SPATA16: variants seen among roughly 807,000 people sequenced by gnomAD.
SPATA16 encodes the protein spermatogenesis associated 16.
SPATA16 carries 36 observed loss-of-function variants against 63.3 expected under a neutral mutation model. The ratio of observed to expected loss-of-function variants is 0.57; its 90% CI spans 0.44 to 0.75. The LOEUF is 0.75. Among genes scored for constraint, SPATA16 ranks in the 30% least tolerant of loss-of-function variants. The pLI is 0.00. For synonymous variants in SPATA16, 203 were observed against 216.7 expected, an observed-to-expected ratio of 0.94 and a Z score of 0.56; for missense variants, 646 against 679.3, an observed-to-expected ratio of 0.95 and a Z score of 0.54.
intron 2 of SPATA16, among the ~76,000 whole-genome samples, chr3:173,055,559 A>G (rs1003721359): frequency 6.6e-6 from 1 of 152,236 alleles, no homozygotes; most frequent in African/African-American, 2.4e-5. Flanking sequence ...TGACACAATT[A>G]TAGGAATGGA....
rs367912791 is a variant in SPATA16 at position 172,977,801 on chromosome 3, C to T, written c.849-749G>A. Among the ~76,000 whole-genome samples, 19 of 152,240 alleles carry T rather than the reference C, an allele frequency of 1.2e-4. 3 individuals are homozygous for T. Among genetic ancestry groups the T allele is most frequent in the Admixed American group, 3.3e-4 (5 of 15,292 alleles). The stretch of plus-strand genomic sequence containing the variant: ...GACTAGAAGTAATTCCAAATTGTCA[C>T]GTTAGCCAATTAAACATATAATAAT... On this transcript the variant is annotated intron_variant, in intron 4 of 10. Coordinates refer to ENST00000351008, the MANE Select transcript of SPATA16 (RefSeq NM_031955.6).
intron 4 of SPATA16, among the ~76,000 whole-genome samples, chr3:172,985,104 T>C (rs1357611375): frequency 6.6e-6 from 1 of 152,216 alleles, no homozygotes; most frequent in African/African-American, 2.4e-5. Context: ...CTGTGTGTAA[T>C]GCTATTGCCT....
intron 1 of SPATA16, among the ~76,000 whole-genome samples, chr3:173,131,057 A>G (rs1021352536): frequency 6.6e-6 from 1 of 152,230 alleles, no homozygotes; most frequent in Non-Finnish European, 1.5e-5. Flanking sequence ...TTTAAGGACT[A>G]CGGAAATATT....
At chr3:173,129,236 G>A (rs1431405903) in intron 1 of SPATA16, among the ~76,000 whole-genome samples, 1 of 152,146 alleles carries the variant, frequency 6.6e-6, no homozygotes, top group African/African-American at 2.4e-5. Flanking sequence ...TTGGGAGGAC[G>A]TTCCAAACTC....
At chr3:173,120,649 TAA>T (rs751946950) in intron 1 of SPATA16, among the ~76,000 whole-genome samples, 1 of 152,218 alleles carries the variant, frequency 6.6e-6, no homozygotes, top group Non-Finnish European at 1.5e-5. Flanking sequence ...TATAAATGCA[TAA>T]AGTTATCTTT....
chr3:173,057,113 T>C (rs909004475), intron 2 of SPATA16, among the ~76,000 whole-genome samples: 3 of 136,866 alleles, frequency 2.2e-5, no homozygotes, highest in African/African-American at 8.2e-5. Flanking sequence ...TTCTTTTCTT[T>C]TCTTTTTTTT....
At chr3:173,064,180 C>T (rs1469706411) in intron 2 of SPATA16, among the ~76,000 whole-genome samples, 2 of 151,738 alleles carry the variant, frequency 1.3e-5, no homozygotes, top group African/African-American at 2.4e-5. Context: ...TGGTGGCACG[C>T]ACCTGTAATC....
intron 1 of SPATA16, among the ~76,000 whole-genome samples, chr3:173,122,789 G>A (rs1363351588): frequency 6.6e-6 from 1 of 152,166 alleles, no homozygotes; most frequent in African/African-American, 2.4e-5. Flanking sequence ...AAGAGGAGAT[G>A]TTGTTTTACT....
At chr3:172,915,134 T>C (rs1033904199) in intron 9 of SPATA16, among the ~76,000 whole-genome samples, 4 of 152,162 alleles carry the variant, frequency 2.6e-5, no homozygotes, top group Non-Finnish European at 5.9e-5. Flanking sequence ...GGATAAACAT[T>C]TAACCTTTTA....
rs565750543 is a variant in SPATA16, at chr3:173,007,165, A to AG, written c.848+12320dup. On this transcript the variant is annotated intron_variant, in intron 4 of 10. Transcript: ENST00000351008. ...GTTAAAACAACAGCAATCACTAAGG[A>AG]GGGCCAAGAGCTTATAAGACTGCAT... Among the ~76,000 whole-genome samples the AG allele has an allele frequency of 2.8e-4, 43 of 152,312 alleles. No individual in the cohort carries two copies. In the East Asian group the frequency reaches 7.7e-3, roughly 27 times the overall value.
chr3:173,001,866 A>G (rs577361880), intron 4 of SPATA16, among the ~76,000 whole-genome samples: 2 of 152,246 alleles, frequency 1.3e-5, no homozygotes, highest in East Asian at 1.9e-4. Flanking sequence ...AATGACTTCT[A>G]AGCTCCCTGC....
intron 3 of SPATA16, among the ~76,000 whole-genome samples, chr3:173,040,053 C>T (rs1254583662): frequency 3.3e-5 from 5 of 151,940 alleles, no homozygotes; most frequent in Non-Finnish European, 7.4e-5. Context: ...TTACATTTTC[C>T]TCTCTTATTG....
intron 3 of SPATA16, among the ~76,000 whole-genome samples, chr3:173,038,243 T>C (rs185950035): frequency 3.9e-5 from 6 of 152,210 alleles, no homozygotes; most frequent in Non-Finnish European, 8.8e-5. Context: ...CTTGTAACCT[T>C]GTATGTAATA....
intron 2 of SPATA16, among the ~76,000 whole-genome samples, chr3:173,057,078 A>G (rs1736251220): frequency 6.7e-6 from 1 of 150,146 alleles, no homozygotes; most frequent in South Asian, 2.1e-4. Flanking sequence ...GATTATTGGT[A>G]CCATTTCAAC....
chr3:173,008,229 C>G (rs2108269794), intron 4 of SPATA16, among the ~76,000 whole-genome samples: 1 of 152,238 alleles, frequency 6.6e-6, no homozygotes, highest in African/African-American at 2.4e-5. Flanking sequence ...GATGAGTTTG[C>G]CGAATGACCA....
At chr3:172,958,193 A>C (rs11915207) in intron 5 of SPATA16, among the ~76,000 whole-genome samples, 3,034 of 152,260 alleles carry the variant, frequency 0.02, 105 homozygotes, top group African/African-American at 0.069. Flanking sequence ...GATGGAGTGC[A>C]TGGCAAATAA....
chr3:173,092,734 G>A (rs1297922126), intron 2 of SPATA16, among the ~76,000 whole-genome samples: 1 of 152,056 alleles, frequency 6.6e-6, no homozygotes, highest in African/African-American at 2.4e-5. Context: ...AAACTGTATT[G>A]TTTTAGCCAC....
chr3:173,003,996 T>C (rs1515438), intron 4 of SPATA16, among the ~76,000 whole-genome samples: 56,880 of 152,014 alleles, frequency 0.37, 12,610 homozygotes, highest in African/African-American at 0.6. Flanking sequence ...TCATTTGCAA[T>C]TCTGGGAGTA....
intron 4 of SPATA16, among the ~76,000 whole-genome samples, chr3:172,997,863 T>C (rs1292660296): frequency 6.6e-6 from 1 of 152,146 alleles, no homozygotes; most frequent in Non-Finnish European, 1.5e-5. Flanking sequence ...CTATCTTTGC[T>C]CCATTGTATT....
Sources: allele counts gnomAD v4.1 joint callset (sites outside exome capture counted in the v4.1 genomes callset), GRCh38; gene constraint gnomAD v4.1.1; transcripts MANE v1.5; gene names NCBI Gene and HGNC (gene_info 2026-07-23, HGNC 2026-07-21).